XKR9: variants seen among roughly 807,000 people sequenced by gnomAD.
XKR9 encodes the protein XK related 9, also known as XK-related protein 9.
Under a neutral mutation model 32.0 loss-of-function variants are expected in XKR9, and 32 were observed. The observed-to-expected ratio is 1.00, with a 90% confidence interval of 0.76 to 1.34. The LOEUF is 1.34. XKR9 is among the 40% of genes most tolerant of loss of function. XKR9 has a pLI of 0.00. For missense variants in XKR9, 546 were observed against 429.7 expected (o/e 1.27, Z -2.39); for synonymous variants, 168 against 143.4 (o/e 1.17, Z -1.22).
At chr8:70,864,162 CT>C in the XKR9 span, among the ~76,000 whole-genome samples, 12 of 152,278 alleles carry the variant, frequency 7.9e-5, no homozygotes, top group African/African-American at 2.2e-4. Context: ...TACATTTGTG[CT>C]TTCCCCCCCT....
intron 2 of XKR9, among the ~76,000 whole-genome samples, chr8:70,779,902 C>G (rs1476250473): frequency 6.6e-6 from 1 of 151,944 alleles, no homozygotes; most frequent in Non-Finnish European, 1.5e-5. Context: ...TTCAAAAAAC[C>G]AGCTCTTGGA....
intron 3 of XKR9, among the ~76,000 whole-genome samples, chr8:70,686,687 G>A (rs183935073): frequency 4.3e-4 from 65 of 152,094 alleles, no homozygotes; most frequent in African/African-American, 1.5e-3. Flanking sequence ...CAAGTGATCC[G>A]TCTCCTTCGG....
At chr8:70,951,556 G>A in the XKR9 span, among the ~76,000 whole-genome samples, 29 of 152,244 alleles carry the variant, frequency 1.9e-4, no homozygotes, top group African/African-American at 6.5e-4. Context: ...AATCAGTTAT[G>A]TGTACCTGAA....
chr8:71,030,525 A>G, the XKR9 span, among the ~76,000 whole-genome samples: 1 of 152,166 alleles, frequency 6.6e-6, no homozygotes, highest in Non-Finnish European at 1.5e-5. Context: ...AGTCTGAAAG[A>G]ACAAAACTTT....
At chr8:70,822,801 C>A in the XKR9 span, among the ~76,000 whole-genome samples, 1 of 152,028 alleles carries the variant, frequency 6.6e-6, no homozygotes, top group African/African-American at 2.4e-5. Flanking sequence ...TCTCCCCCTA[C>A]TGAGACGGCC....
At chr8:70,809,351 AGAG>A in the XKR9 span, among the ~76,000 whole-genome samples, 11 of 152,322 alleles carry the variant, frequency 7.2e-5, no homozygotes, top group African/African-American at 2.6e-4. Flanking sequence ...GGAAAAAAAC[AGAG>A]AAGAAAAACT....
chr8:71,024,332 G>A, the XKR9 span, among the ~76,000 whole-genome samples: 1 of 152,154 alleles, frequency 6.6e-6, no homozygotes, highest in Non-Finnish European at 1.5e-5. Context: ...TTTTGCTAGT[G>A]TGCAGGACAC....
At chr8:70,938,306 A>T in the XKR9 span, among the ~76,000 whole-genome samples, 1 of 151,792 alleles carries the variant, frequency 6.6e-6, no homozygotes, top group Non-Finnish European at 1.5e-5. Context: ...AGTCATACTT[A>T]GTGCTCGAGA....
intron 2 of XKR9, among the ~76,000 whole-genome samples, chr8:70,761,286 A>T (rs1219579192): frequency 6.6e-6 from 1 of 152,222 alleles, no homozygotes; most frequent in Non-Finnish European, 1.5e-5. Flanking sequence ...AGGAATCACC[A>T]CACTGTCTTC....
rs1316856843 is a variant in XKR9, at chr8:70,707,070, T to C, written c.410T>C (p.Phe137Ser). ...RVTDLSMLRL[F>S]ETYLEGCPQL... ...ACTGATTTGAGCATGCTCAGACTATTTGAGACCTACCTGGAAGGCTGCCCA... is the reference window on the plus strand; with the variant it reads ...ACTGATTTGAGCATGCTCAGACTATCTGAGACCTACCTGGAAGGCTGCCCA... The change falls in exon 4 of 5, where the codon TTT (phenylalanine) becomes TCT (serine). Residue 137 changes from phenylalanine (F) to serine (S), a missense_variant. Coordinates refer to ENST00000408926, the MANE Select transcript of XKR9 (RefSeq NM_001011720.2). 1.9e-6 allele frequency: 3 copies of C among 1,613,504 alleles called. No individual in the cohort carries two copies. The highest frequency in any genetic ancestry group is 1.7e-6 in the Non-Finnish European group (2 of 1,179,528).
chr8:70,811,968 G>A, the XKR9 span, among the ~76,000 whole-genome samples: 2 of 152,004 alleles, frequency 1.3e-5, no homozygotes, highest in African/African-American at 4.8e-5. Flanking sequence ...GGATACCAAA[G>A]CCTGGCAGAG....
chr8:70,870,439 G>A, the XKR9 span, among the ~76,000 whole-genome samples: 8 of 152,200 alleles, frequency 5.3e-5, no homozygotes, highest in Admixed American at 4.6e-4. Context: ...GACATCACCA[G>A]AGAGAAGACA....
At chr8:71,003,095 G>A in the XKR9 span, among the ~76,000 whole-genome samples, 4 of 152,202 alleles carry the variant, frequency 2.6e-5, no homozygotes, top group African/African-American at 4.8e-5. Flanking sequence ...GCTTTGAAAA[G>A]CATTGCTGTG....
chr8:70,687,932 G>T (rs1819363610), intron 3 of XKR9, among the ~76,000 whole-genome samples: 1 of 152,174 alleles, frequency 6.6e-6, no homozygotes, highest in East Asian at 1.9e-4. Context: ...AGTTGTTCTG[G>T]TATTCTATAA....
At chr8:70,890,305 C>T in the XKR9 span, among the ~76,000 whole-genome samples, 1 of 151,812 alleles carries the variant, frequency 6.6e-6, no homozygotes, top group Non-Finnish European at 1.5e-5. Flanking sequence ...TTATTACTTT[C>T]TTTTGTCTAA....
At chr8:70,965,394 T>G in the XKR9 span, among the ~76,000 whole-genome samples, 1 of 152,242 alleles carries the variant, frequency 6.6e-6, no homozygotes, top group African/African-American at 2.4e-5. Context: ...ATCAGAGATA[T>G]TGGCCTGAAG....
chr8:71,054,802 A>G, the XKR9 span, among the ~76,000 whole-genome samples: 2 of 152,222 alleles, frequency 1.3e-5, no homozygotes, highest in African/African-American at 4.8e-5. Flanking sequence ...GGGAGGATTC[A>G]AAAGATCTAA....
chr8:70,895,031 G>A, the XKR9 span, among the ~76,000 whole-genome samples: 1 of 152,092 alleles, frequency 6.6e-6, no homozygotes, highest in East Asian at 1.9e-4. Flanking sequence ...TTCTCTGTGG[G>A]GAGCACAGCT....
At chr8:70,739,605 C>T (rs1270173823), downstream of XKR9, among the ~76,000 whole-genome samples, 1 of 152,060 alleles carries the variant, frequency 6.6e-6, no homozygotes, top group Non-Finnish European at 1.5e-5. Flanking sequence ...GTGGCTGGTA[C>T]CGGTTGTTCC....
Sources: gnomAD v4.1 joint callset for allele counts (sites outside exome capture counted in the v4.1 genomes callset) on GRCh38, gnomAD v4.1.1 for gene constraint, MANE v1.5 for transcripts, NCBI Gene and HGNC (gene_info 2026-07-23, HGNC 2026-07-21) for gene names.